LRP1: variants seen among roughly 807,000 people sequenced by gnomAD.
LRP1 encodes LDL receptor related protein 1.
LRP1 carries 51 observed loss-of-function variants against 541.5 expected under a neutral mutation model. That is an observed-to-expected ratio of 0.09 (90% CI 0.08 to 0.12). The LOEUF (loss-of-function observed/expected upper bound fraction) is 0.12. Ranked by LOEUF, LRP1 falls within the 10% of genes least tolerant of loss-of-function variation. LRP1 has a pLI of 1.00. For synonymous variants in LRP1, 2,219 were observed against 2,470.8 expected, an observed-to-expected ratio of 0.90 and a Z score of 3.02; for missense variants, 3,878 against 6,376.2, an observed-to-expected ratio of 0.61 and a Z score of 13.34.
In LRP1 at chr12:57,195,348, G is replaced by A. The variant is rs148421667; in HGVS notation, c.8386G>A (p.Gly2796Ser). 2.0e-5 allele frequency: 33 copies of A among 1,611,982 alleles called. No homozygotes were observed. The highest frequency in any genetic ancestry group is 1.2e-4 in the Admixed American group (7 of 60,012). The change falls in exon 52 of 89, where the codon GGT becomes AGT. Residue 2796 changes from glycine (G) to serine (S), a missense_variant. This residue lies in a region of LRP1 where 1,100 missense variants were observed against 1,827.4 expected (regional missense o/e 0.60). Transcript: ENST00000243077. ...CGTCCCCGAGCGCTGGCTCTGTGAC[G>A]GTGACAAAGACTGTGCTGATGGTGC... ...VCVPERWLCD[G>S]DKDCADGADE...
chr12:57,131,397 A>T (rs2035036851), intron 1 of LRP1, among the ~76,000 whole-genome samples: 1 of 152,132 alleles, frequency 6.6e-6, no homozygotes, highest in Non-Finnish European at 1.5e-5. Context: ...GAGATTGGGG[A>T]ACATTTTCTA....
chr12:57,196,953 G>T lies in LRP1; in HGVS notation c.8893-29G>T, dbSNP rs776618650. The stretch of plus-strand genomic sequence containing the variant: ...GTGGGAGGCCCAGACCCTGCCACAT[G>T]CCCAGCCCAAGGCTCCCTGTGCCTG... On this transcript the variant is annotated intron_variant, in intron 55 of 88. Coordinates refer to ENST00000243077, the MANE Select transcript of LRP1 (RefSeq NM_002332.3). 6 of 1,587,794 alleles carry T rather than the reference G, an allele frequency of 3.8e-6. No homozygotes were observed. In the East Asian group the frequency reaches 9.1e-5, roughly 24 times the overall value.
intron 8 of LRP1, chr12:57,155,040 C>T: frequency 1.8e-6 from 1 of 552,156 alleles, no homozygotes; most frequent in East Asian, 2.9e-5. Flanking sequence ...GGTGATTTGC[C>T]TGTGTTTACA....
Position 57,209,709 on chromosome 12 carries a change from A to G in LRP1, c.12280A>G (p.Ser4094Gly), listed in dbSNP as rs2036865221. The change falls in exon 80 of 89, where the codon AGC (serine) becomes GGC (glycine). Residue 4094 changes from serine to glycine, a missense_variant. By Grantham distance (56) the Ser-to-Gly change is moderately conservative. Transcript: ENST00000243077. ...DSKRGLSHPF[S>G]IDVFEDYIYG... Reference sequence around the variant, plus strand: ...TCCCCCAGGCCTAAGTCACCCCTTCAGCATCGACGTCTTTGAGGATTACAT... The same window carrying G: ...TCCCCCAGGCCTAAGTCACCCCTTCGGCATCGACGTCTTTGAGGATTACAT... 1 of 1,614,112 alleles carries G rather than the reference A, an allele frequency of 6.2e-7. No homozygotes were observed. The highest frequency in any genetic ancestry group is 8.5e-7 in the Non-Finnish European group (1 of 1,180,002).
In LRP1 at chr12:57,180,374, T is replaced by G; in HGVS notation, c.5281T>G (p.Ser1761Ala). The change falls in exon 32 of 89, where the codon TCC (serine) becomes GCC (alanine). Residue 1761 changes from serine (S) to alanine (A), a missense_variant. Around this residue, in one of 13 missense-constraint regions of LRP1, gnomAD observed 394 missense variants for 635.9 expected, o/e 0.62. Transcript: ENST00000243077. Reference sequence around the variant, plus strand: ...TGAAAGCAAACTCTACTGGATCAGCTCCGGGAACCATACCATCAACCGCTG... The same window carrying G: ...TGAAAGCAAACTCTACTGGATCAGCGCCGGGAACCATACCATCAACCGCTG... ...FPESKLYWIS[S>A]GNHTINRCNL... The G allele has an allele frequency of 1.2e-6, 2 of 1,614,136 alleles. No individual in the cohort carries two copies. The highest frequency in any genetic ancestry group is 4.5e-5 in the East Asian group (2 of 44,880).
chr12:57,162,916 C>A lies in LRP1; in HGVS notation c.2463C>A (p.Thr821=). 1 of 1,609,286 alleles carries A rather than the reference C, an allele frequency of 6.2e-7. No individual in the cohort carries two copies. The highest frequency in any genetic ancestry group is 1.1e-5 in the South Asian group (1 of 90,314). ...GCTGCAGCAGCCTGTGCTTGGCCACCCCTGGGAGCCGCCAGTGCGCCTGTG... is the reference window on the plus strand; with the variant it reads ...GCTGCAGCAGCCTGTGCTTGGCCACACCTGGGAGCCGCCAGTGCGCCTGTG... ...NGGCSSLCLA[T]PGSRQCACAE... is the part of the protein sequence containing the mutation. Residue 821 remains threonine (T), a synonymous_variant, in exon 15 of 89, where the codon ACC becomes ACA. Transcript: ENST00000243077. The surrounding 1 kb of genome is among the most constrained non-coding windows in gnomAD (Gnocchi z 5.2).
Position 57,185,503 on chromosome 12 carries a change from CTGCCCT to C in LRP1, c.6464-27_6464-22del. The C allele has an allele frequency of 6.4e-7, 1 of 1,552,718 alleles. No homozygotes were observed. Among genetic ancestry groups the C allele is most frequent in the South Asian group, 1.2e-5 (1 of 83,552 alleles). On this transcript the variant is annotated intron_variant, in intron 40 of 88. Coordinates refer to ENST00000243077, the MANE Select transcript of LRP1 (RefSeq NM_002332.3). This position sits in a 1 kb window ranked among gnomAD's most constrained non-coding sequence, Gnocchi z 4.9. Reference sequence around the variant, plus strand: ...CAGTGAGCCTTTCCCAAGGCAGGCCCTGCCCTCTGTACCCTCCCCTCCCCCAGGCAC... The same window carrying C: ...CAGTGAGCCTTTCCCAAGGCAGGCCCCTGTACCCTCCCCTCCCCCAGGCAC...
intron 12 of LRP1, 130 bp downstream of exon 12, chr12:57,160,135 G>T: frequency 1.2e-6 from 1 of 849,598 alleles, no homozygotes; most frequent in South Asian, 1.7e-5. Context: ...ATGAGAGTCT[G>T]CAAGGGGAGA....
At chr12:57,175,797 TTTTCCA>T in intron 23 of LRP1, 92 bp downstream of exon 23, 1 of 1,551,702 alleles carries the variant, frequency 6.4e-7, no homozygotes, top group Admixed American at 1.8e-5. Context: ...AAAGGCTGAG[TTTTCCA>T]CCCTAGCCCC....
intron 6 of LRP1, among the ~76,000 whole-genome samples, chr12:57,153,217 A>G (rs2136673071): frequency 6.6e-6 from 1 of 152,180 alleles, no homozygotes; most frequent in South Asian, 2.1e-4. Flanking sequence ...GGGGGTAGTG[A>G]GTAGATGGAA....
At position 57,154,024 on chromosome 12, in the gene LRP1, A is replaced by G. The variant is rs539121642; in HGVS notation, c.842-184A>G. Among the ~76,000 whole-genome samples the G allele has an allele frequency of 6.6e-6, 1 of 152,226 alleles. No individual in the cohort carries two copies. The highest frequency in any genetic ancestry group is 2.4e-5 in the African/African-American group (1 of 41,536). On this transcript the variant is annotated intron_variant, in intron 6 of 88. Coordinates refer to ENST00000243077, the MANE Select transcript of LRP1 (RefSeq NM_002332.3). This position sits in a 1 kb window ranked among gnomAD's most constrained non-coding sequence, Gnocchi z 4.6. ...GCTAGAATTGGGAAGTCTGTCAGTC[A>G]ACCAGCCAGCCAGCATTTACGCAAG...
At position 57,193,560 on chromosome 12, in the gene LRP1, T is replaced by G; in HGVS notation, c.7685-6T>G. On this transcript the variant is annotated splice_polypyrimidine_tract_variant and splice_region_variant and intron_variant, in intron 46 of 88. Transcript: ENST00000243077. ...GCTGACACGCAGCCTACTCCTCCATTTGCAGACTCCCGCCGCTGCAAGAAG... is the reference window on the plus strand; with the variant it reads ...GCTGACACGCAGCCTACTCCTCCATGTGCAGACTCCCGCCGCTGCAAGAAG... 1 of 1,613,246 alleles carries G rather than the reference T, an allele frequency of 6.2e-7. No individual in the cohort carries two copies. Among genetic ancestry groups the G allele is most frequent in the Non-Finnish European group, 8.5e-7 (1 of 1,179,538 alleles).
chr12:57,200,401 C>CA (rs1294747347), intron 62 of LRP1, 41 bp from the exon 63 acceptor site: 1 of 1,152,914 alleles, frequency 8.7e-7, no homozygotes, highest in Non-Finnish European at 1.3e-6. Flanking sequence ...CTGAGTCCCC[C>CA]AGACCCCCAC....
chr12:57,136,063 C>G lies in LRP1; in HGVS notation c.68-2396C>G, dbSNP rs558612072. 2.5e-4 allele frequency among the ~76,000 whole-genome samples: 38 copies of G among 152,378 alleles called. No homozygotes were observed. In the South Asian group the frequency reaches 7.2e-3, roughly 29 times the overall value. ...TCCCATTCCAGCCCCCCTCTTCCCCCTCAGCCGGCCACGGCTGGTCAGGGG... is the reference window on the plus strand; with the variant it reads ...TCCCATTCCAGCCCCCCTCTTCCCCGTCAGCCGGCCACGGCTGGTCAGGGG... On this transcript the variant is annotated intron_variant, in intron 1 of 88. Coordinates refer to ENST00000243077, the MANE Select transcript of LRP1 (RefSeq NM_002332.3).
rs2036743441 is a variant in LRP1 at position 57,205,142 on chromosome 12, A to T, written c.11228A>T (p.Asp3743Val). ...PPTAHTTHCK[D>V]KKEFLCRNQR... ...ACAGCCCACACCACCCACTGCAAAG[A>T]CAAGAAGGAGTTTCTGTGCCGGAAC... The change falls in exon 73 of 89, where the codon GAC becomes GTC. Residue 3743 changes from aspartate (D) to valine (V), a missense_variant. Coordinates refer to ENST00000243077, the MANE Select transcript of LRP1 (RefSeq NM_002332.3). This position sits in a 1 kb window ranked among gnomAD's most constrained non-coding sequence, Gnocchi z 4.6. The T allele has an allele frequency of 6.2e-7, 1 of 1,613,962 alleles. No individual in the cohort carries two copies. The highest frequency in any genetic ancestry group is 8.5e-7 in the Non-Finnish European group (1 of 1,179,996).
chr12:57,173,116 GGC>G lies in LRP1; in HGVS notation c.3164-51_3164-50del. 1 of 1,491,388 alleles carries G rather than the reference GGC, an allele frequency of 6.7e-7. No individual in the cohort carries two copies. The highest frequency in any genetic ancestry group is 9.1e-7 in the Non-Finnish European group (1 of 1,098,460). 92.4% of individuals were successfully genotyped at this position (1,491,388 alleles called of 1,614,324 possible). On this transcript the variant is annotated intron_variant, in intron 20 of 88. Coordinates refer to ENST00000243077, the MANE Select transcript of LRP1 (RefSeq NM_002332.3). The surrounding 1 kb of genome is among the most constrained non-coding windows in gnomAD (Gnocchi z 4.7). Reference sequence around the variant, plus strand: ...GGTGGCAGGGCACAGGGATGAGGAGGGCTGACCTGGGCAACCCCTCCCTCCTG... The same window carrying G: ...GGTGGCAGGGCACAGGGATGAGGAGGTGACCTGGGCAACCCCTCCCTCCTG...
intron 44 of LRP1, among the ~76,000 whole-genome samples, chr12:57,192,140 C>CCCACACCCCACACA (rs1406498370): frequency 6.6e-6 from 1 of 150,506 alleles, no homozygotes; most frequent in Non-Finnish European, 1.5e-5. Context: ...CTATAAACAC[C>CCCACACCCCACACA]CCACACCCCA....
intron 19 of LRP1, chr12:57,168,313 C>G (rs1051134097): frequency 6.5e-6 from 1 of 153,256 alleles, no homozygotes; most frequent in African/African-American, 2.4e-5. Flanking sequence ...CAGGCCCCTA[C>G]TCCAGAGCTG....
intron 1 of LRP1, among the ~76,000 whole-genome samples, chr12:57,129,429 G>A (rs1203552160): frequency 6.8e-6 from 1 of 147,008 alleles, no homozygotes; most frequent in Non-Finnish European, 1.5e-5. Flanking sequence ...GGCTGCAAAA[G>A]GGGGTGGGGG....
Sources: allele counts gnomAD v4.1 joint callset (sites outside exome capture counted in the v4.1 genomes callset), GRCh38; gene constraint gnomAD v4.1.1; regional missense constraint gnomAD v4.1.1; non-coding constraint Gnocchi (gnomAD v3.1); transcripts MANE v1.5; gene names NCBI Gene and HGNC (gene_info 2026-07-23, HGNC 2026-07-21).